DOCK4: variants seen among roughly 807,000 people sequenced by gnomAD.
DOCK4 encodes the protein dedicator of cytokinesis 4.
DOCK4 carries 97 observed loss-of-function variants against 268.1 expected under a neutral mutation model. That is an observed-to-expected ratio of 0.36 (90% confidence interval 0.31 to 0.43). The LOEUF (loss-of-function observed/expected upper bound fraction) is 0.43. Ranked by LOEUF, DOCK4 falls within the 20% of genes least tolerant of loss-of-function variation. The probability of loss-of-function intolerance (pLI) is 1.00; values close to 1 mark genes in which losing one functional copy is unlikely to be tolerated. For synonymous variants in DOCK4, 954 were observed against 887.2 expected, an observed-to-expected ratio of 1.08 and a Z score of -1.34; for missense variants, 2,145 against 2,455.7, an observed-to-expected ratio of 0.87 and a Z score of 2.67.
At chr7:111,766,939 G>T in intron 38 of DOCK4, 93 bp downstream of exon 38, 1 of 969,412 alleles carries the variant, frequency 1.0e-6, no homozygotes, top group Non-Finnish European at 1.6e-6. Flanking sequence ...AAGGGTTTCT[G>T]CAAGACCACA....
intron 15 of DOCK4, among the ~76,000 whole-genome samples, chr7:111,898,305 G>C (rs761455926): frequency 1.1e-4 from 16 of 152,192 alleles, no homozygotes; most frequent in Non-Finnish European, 2.2e-4. Context: ...AGACAGAATA[G>C]TCTCAATGGC....
chr7:111,785,513 A>G (rs1799104413), intron 32 of DOCK4, among the ~76,000 whole-genome samples: 1 of 152,204 alleles, frequency 6.6e-6, no homozygotes, highest in Non-Finnish European at 1.5e-5. Context: ...TAAGAGCTAC[A>G]TAATCCTCTT....
chr7:112,112,467 C>A (rs1190054405), intron 1 of DOCK4, among the ~76,000 whole-genome samples: 2 of 152,006 alleles, frequency 1.3e-5, no homozygotes, highest in Admixed American at 1.3e-4. Flanking sequence ...TATGGTGAAA[C>A]CCCATCTCTA....
chr7:111,737,468 A>G (rs928803895), intron 49 of DOCK4, among the ~76,000 whole-genome samples: 3 of 152,182 alleles, frequency 2.0e-5, no homozygotes, highest in East Asian at 1.9e-4. Context: ...TACAGTGGTG[A>G]TATAAAACAG....
chr7:112,125,828 G>A (rs759631238), intron 1 of DOCK4, among the ~76,000 whole-genome samples: 11 of 149,226 alleles, frequency 7.4e-5, no homozygotes, highest in Non-Finnish European at 1.3e-4. Context: ...GTTTTTTTTT[G>A]AGACAGGGTC....
chr7:112,142,633 CCACT>C (rs1815039984), intron 1 of DOCK4, among the ~76,000 whole-genome samples: 1 of 152,106 alleles, frequency 6.6e-6, no homozygotes, highest in Admixed American at 6.6e-5. Flanking sequence ...AGAGTGCCTA[CCACT>C]CATTTTTTAA....
chr7:111,769,712 G>A (rs1797997509), intron 36 of DOCK4, 35 bp from the exon 37 acceptor site: 2 of 1,595,524 alleles, frequency 1.3e-6, no homozygotes, highest in Non-Finnish European at 1.7e-6. Flanking sequence ...GATTGAGACA[G>A]GACCCCAAGC....
At chr7:112,144,102 C>T (rs374428642) in intron 1 of DOCK4, among the ~76,000 whole-genome samples, 4 of 152,282 alleles carry the variant, frequency 2.6e-5, no homozygotes, top group East Asian at 3.9e-4. Flanking sequence ...TGGCATTCTT[C>T]AGTTTCTAAG....
intron 25 of DOCK4, among the ~76,000 whole-genome samples, chr7:111,835,629 C>T (rs1487147807): frequency 6.6e-6 from 1 of 152,074 alleles, no homozygotes; most frequent in Non-Finnish European, 1.5e-5. Context: ...AAAACAAATA[C>T]AATAGGAGAG....
At chr7:111,875,793 G>A (rs943264910) in intron 17 of DOCK4, among the ~76,000 whole-genome samples, 3 of 152,128 alleles carry the variant, frequency 2.0e-5, no homozygotes, top group African/African-American at 7.2e-5. Context: ...TTAGCCCAGT[G>A]GAACTGATTT....
intron 30 of DOCK4, among the ~76,000 whole-genome samples, chr7:111,802,622 C>T (rs1800387158): frequency 6.6e-6 from 1 of 152,140 alleles, no homozygotes; most frequent in African/African-American, 2.4e-5. Context: ...AGCCTGGCAT[C>T]CCTTGGCCTC....
intron 8 of DOCK4, chr7:111,971,826 TG>T: frequency 3.3e-6 from 1 of 300,612 alleles, no homozygotes; most frequent in Non-Finnish European, 6.3e-6. Flanking sequence ...CACAGCAACC[TG>T]ATATAGCGGG....
intron 1 of DOCK4, among the ~76,000 whole-genome samples, chr7:112,199,978 GA>G (rs1490185574): frequency 6.6e-6 from 1 of 151,912 alleles, no homozygotes; most frequent in East Asian, 1.9e-4. Context: ...TAGACTGAAG[GA>G]AAAAAGGATA....
chr7:112,057,239 C>T (rs976840676), intron 1 of DOCK4, among the ~76,000 whole-genome samples: 26 of 151,966 alleles, frequency 1.7e-4, no homozygotes, highest in African/African-American at 6.0e-4. Context: ...CAGAACAAGG[C>T]CCCATCTCTT....
chr7:112,188,075 T>C (rs1341092907), intron 1 of DOCK4, among the ~76,000 whole-genome samples: 2 of 152,218 alleles, frequency 1.3e-5, no homozygotes, highest in East Asian at 3.9e-4. Context: ...TTATACAATA[T>C]TTATCAAATA....
intron 39 of DOCK4, among the ~76,000 whole-genome samples, chr7:111,760,738 T>TGTGTGTGTGTG (rs1797341789): frequency 1.5e-5 from 2 of 136,910 alleles, no homozygotes; most frequent in African/African-American, 5.6e-5. Context: ...TGTCTGCTTT[T>TGTGTGTGTGTG]TGTGTGTGTG....
At chr7:112,061,943 C>T (rs918018708) in intron 1 of DOCK4, among the ~76,000 whole-genome samples, 4 of 152,098 alleles carry the variant, frequency 2.6e-5, no homozygotes, top group Non-Finnish European at 5.9e-5. Context: ...CATTATCTCA[C>T]TTTTTTTATA....
chr7:111,911,135 GT>G (rs1327854942), intron 13 of DOCK4, among the ~76,000 whole-genome samples: 1 of 152,120 alleles, frequency 6.6e-6, no homozygotes, highest in African/African-American at 2.4e-5. Context: ...TGCCTCACCT[GT>G]TTTGACCCTA....
intron 1 of DOCK4, among the ~76,000 whole-genome samples, chr7:112,065,138 C>A (rs950367438): frequency 1.3e-5 from 2 of 152,190 alleles, no homozygotes; most frequent in Admixed American, 6.5e-5. Flanking sequence ...CAGTTACCAG[C>A]TGGGGTTGTT....
Sources: allele counts gnomAD v4.1 joint callset (sites outside exome capture counted in the v4.1 genomes callset), GRCh38; gene constraint gnomAD v4.1.1; transcripts MANE v1.5; gene names NCBI Gene and HGNC (gene_info 2026-07-23, HGNC 2026-07-21).